CRACD: variants seen among roughly 807,000 people sequenced by gnomAD.
CRACD encodes the protein capping protein inhibiting regulator of actin dynamics.
Under a neutral mutation model 106.8 loss-of-function variants are expected in CRACD, and 56 were observed. The ratio of observed to expected loss-of-function variants is 0.52; its 90% CI spans 0.42 to 0.66. The LOEUF (loss-of-function observed/expected upper bound fraction) is 0.66, where lower values mean the gene tolerates loss of function less well. Among genes scored for constraint, CRACD ranks in the 30% least tolerant of loss-of-function variants. The pLI is 0.00. For missense variants in CRACD, 1,730 were observed against 1,623.2 expected, an observed-to-expected ratio of 1.07 and a Z score of -1.13; for synonymous variants, 754 against 670.8, an observed-to-expected ratio of 1.12 and a Z score of -1.92.
chr4:56,169,947 G>A (rs1736295735), intron 1 of CRACD, among the ~76,000 whole-genome samples: 1 of 152,146 alleles, frequency 6.6e-6, no homozygotes, highest in Non-Finnish European at 1.5e-5. Context: ...ACAACCAGCA[G>A]GGGTATTTAT....
intron 3 of CRACD, among the ~76,000 whole-genome samples, chr4:56,296,610 C>G (rs891695375): frequency 6.6e-6 from 1 of 152,194 alleles, no homozygotes; most frequent in Non-Finnish European, 1.5e-5. Flanking sequence ...ACACCTGCCC[C>G]CAACGCTGGC....
At position 56,069,668 on chromosome 4, in the gene CRACD, A is replaced by G. The variant is rs779940155; in HGVS notation, c.-336+20369A>G. On this transcript the variant is annotated intron_variant, in intron 1 of 10. Transcript: ENST00000682029. Reference sequence around the variant, plus strand: ...AGATGACTTCCCCCCAGGGAACATTATATATCAGGGAAAGAAGAAAGGATA... The same window carrying G: ...AGATGACTTCCCCCCAGGGAACATTGTATATCAGGGAAAGAAGAAAGGATA... Among the ~76,000 whole-genome samples, 5 of 152,230 alleles carry G rather than the reference A, an allele frequency of 3.3e-5. No individual in the cohort carries two copies. In the South Asian group the frequency reaches 1.0e-3, roughly 31 times the overall value.
intron 2 of CRACD, among the ~76,000 whole-genome samples, chr4:56,226,157 A>C (rs1471470): frequency 0.57 from 86,882 of 152,046 alleles, 25,905 homozygotes; most frequent in East Asian, 0.84. Flanking sequence ...AGTCATATTC[A>C]TTAAGGGCAG....
At position 56,105,055 on chromosome 4, in the gene CRACD, C is replaced by T. The variant is rs754330995; in HGVS notation, c.-336+55756C>T. ...TAAAATTAAAATAGAAAATACTTGCCTGTAGAATATTATTGATCTTTCAAA... is the reference window on the plus strand; with the variant it reads ...TAAAATTAAAATAGAAAATACTTGCTTGTAGAATATTATTGATCTTTCAAA... On this transcript the variant is annotated intron_variant, in intron 1 of 10. Coordinates refer to ENST00000682029, the MANE Select transcript of CRACD (RefSeq NM_001393381.1). Among the ~76,000 whole-genome samples, 82 of 152,064 alleles carry T rather than the reference C, an allele frequency of 5.4e-4. 1 individual carries two copies. In the Middle Eastern group the frequency reaches 0.014, roughly 26 times the overall value.
At chr4:56,183,602 TC>T (rs1736950676) in intron 2 of CRACD, among the ~76,000 whole-genome samples, 1 of 152,184 alleles carries the variant, frequency 6.6e-6, no homozygotes, top group Non-Finnish European at 1.5e-5. Flanking sequence ...TAAATCCTGG[TC>T]AAGGAAAGCA....
At chr4:56,082,288 G>A (rs1422421823) in intron 1 of CRACD, among the ~76,000 whole-genome samples, 8 of 152,184 alleles carry the variant, frequency 5.3e-5, no homozygotes. Context: ...AGCTTGACAT[G>A]TTTGTGGAAC....
At chr4:56,250,052 C>T (rs1291010944) in intron 2 of CRACD, among the ~76,000 whole-genome samples, 1 of 152,094 alleles carries the variant, frequency 6.6e-6, no homozygotes, top group Admixed American at 6.5e-5. Context: ...ATCTGAATTG[C>T]CCTGTAAAAT....
rs113904244 is a variant in CRACD, at chr4:56,327,880, G to T, written c.*76G>T. ...CTTTTTATTTATTTATTTTTTATAT[G>T]GGGTAAAGAAATCAAGCTAGGGAAA... On this transcript the variant is annotated 3_prime_UTR_variant, in exon 11 of 11. Coordinates refer to ENST00000682029, the MANE Select transcript of CRACD (RefSeq NM_001393381.1). 2 of 1,301,066 alleles carry T rather than the reference G, an allele frequency of 1.5e-6. No homozygotes were observed. The highest frequency in any genetic ancestry group is 4.7e-5 in the East Asian group (2 of 42,154). The allele number at this position is 1,301,066 out of a possible 1,614,324, so 80.6% of individuals were successfully genotyped here. A position where few individuals can be genotyped will look rare whatever the true frequency, so the allele number is the denominator to read the frequency against.
intron 2 of CRACD, among the ~76,000 whole-genome samples, chr4:56,231,614 A>T (rs7677091): frequency 0.63 from 95,336 of 152,120 alleles, 30,222 homozygotes; most frequent in East Asian, 0.87. Flanking sequence ...GAGATAAATA[A>T]GCGGATTCAC....
intron 1 of CRACD, among the ~76,000 whole-genome samples, chr4:56,085,718 C>A (rs1350841068): frequency 6.6e-6 from 1 of 152,198 alleles, no homozygotes; most frequent in Non-Finnish European, 1.5e-5. Context: ...CATCTGCCCC[C>A]TTGCCTTCAT....
At chr4:56,171,805 C>T (rs1010910866) in intron 1 of CRACD, among the ~76,000 whole-genome samples, 4 of 152,090 alleles carry the variant, frequency 2.6e-5, no homozygotes, top group East Asian at 1.9e-4. Flanking sequence ...TGCCTGCCTC[C>T]GTCCTGTGGG....
At chr4:56,115,081 A>G (rs532279692) in intron 1 of CRACD, among the ~76,000 whole-genome samples, 1 of 152,264 alleles carries the variant, frequency 6.6e-6, no homozygotes, top group African/African-American at 2.4e-5. Flanking sequence ...TCCAATGGGT[A>G]TAGGAAATGG....
chr4:56,192,821 A>T (rs1170293688), intron 2 of CRACD, among the ~76,000 whole-genome samples: 2 of 152,208 alleles, frequency 1.3e-5, no homozygotes, highest in Non-Finnish European at 2.9e-5. Flanking sequence ...GACATGAAAG[A>T]TCTTTGAAAT....
chr4:56,104,018 C>T (rs966918129), intron 1 of CRACD, among the ~76,000 whole-genome samples: 2 of 152,206 alleles, frequency 1.3e-5, no homozygotes, highest in Non-Finnish European at 2.9e-5. Context: ...AGGTGATCCA[C>T]CCGCCTTGGC....
intron 1 of CRACD, among the ~76,000 whole-genome samples, chr4:56,061,907 A>G (rs963344111): frequency 3.0e-4 from 45 of 152,188 alleles, no homozygotes; most frequent in African/African-American, 1.0e-3. Flanking sequence ...TTCCAAATAG[A>G]TGTAGTTCTT....
intron 4 of CRACD, among the ~76,000 whole-genome samples, chr4:56,305,155 A>T (rs557829052): frequency 6.6e-6 from 1 of 152,196 alleles, no homozygotes; most frequent in Non-Finnish European, 1.5e-5. Flanking sequence ...CAGGACATCC[A>T]GGCTGCAGTG....
At chr4:56,116,904 C>T (rs767281304) in intron 1 of CRACD, among the ~76,000 whole-genome samples, 4 of 151,698 alleles carry the variant, frequency 2.6e-5, no homozygotes, top group East Asian at 1.9e-4. Context: ...GACAGGGTTT[C>T]GCCATGTTGG....
chr4:56,183,412 T>C (rs1736939966), intron 2 of CRACD, among the ~76,000 whole-genome samples: 1 of 152,188 alleles, frequency 6.6e-6, no homozygotes, highest in Admixed American at 6.6e-5. Context: ...ATCACTGCAG[T>C]CAACTCTAGA....
chr4:56,126,751 G>A (rs1341357515), intron 1 of CRACD, among the ~76,000 whole-genome samples: 1 of 152,118 alleles, frequency 6.6e-6, no homozygotes, highest in African/African-American at 2.4e-5. Flanking sequence ...CTAAAGCCCA[G>A]TTATCTCTAT....
Sources: allele counts gnomAD v4.1 joint callset (sites outside exome capture counted in the v4.1 genomes callset), GRCh38; gene constraint gnomAD v4.1.1; transcripts MANE v1.5; gene names NCBI Gene and HGNC (gene_info 2026-07-23, HGNC 2026-07-21).